MICU1: variants seen among roughly 807,000 people sequenced by gnomAD.
MICU1 encodes the protein mitochondrial calcium uptake 1.
A neutral mutation model predicts 56.8 loss-of-function variants in MICU1; 45 were observed. The observed-to-expected ratio is 0.79, with a 90% CI of 0.62 to 1.02. The LOEUF (loss-of-function observed/expected upper bound fraction) is 1.02. Among genes scored for constraint, MICU1 ranks in the 50% least tolerant of loss-of-function variants. The pLI is 0.00. For missense variants in MICU1, 504 were observed against 587.1 expected (o/e 0.86, Z 1.46); for synonymous variants, 186 against 195.1 (o/e 0.95, Z 0.39).
chr10:72,399,474 A>T (rs1028149724), intron 10 of MICU1, among the ~76,000 whole-genome samples: 2 of 152,026 alleles, frequency 1.3e-5, no homozygotes, highest in Admixed American at 6.6e-5. Context: ...ATAAATAAAT[A>T]AAATAAAATA....
chr10:72,533,380 C>G (rs1299019601), intron 5 of MICU1, among the ~76,000 whole-genome samples: 7 of 152,148 alleles, frequency 4.6e-5, no homozygotes, highest in Non-Finnish European at 7.3e-5. Flanking sequence ...TATTGCTAGA[C>G]ACTATCATAA....
At chr10:72,494,234 G>A (rs571292211) in intron 6 of MICU1, among the ~76,000 whole-genome samples, 6 of 152,198 alleles carry the variant, frequency 3.9e-5, no homozygotes, top group East Asian at 1.9e-4. Context: ...CTGGCATTTC[G>A]CATAGTTCTT....
At chr10:72,508,466 A>C (rs899444789) in intron 5 of MICU1, 197 bp from the exon 6 acceptor site, 1 of 386,400 alleles carries the variant, frequency 2.6e-6, no homozygotes, top group African/African-American at 2.0e-5. Flanking sequence ...TTATGTTTTC[A>C]TTTCAACACT....
At chr10:72,484,930 G>A (rs1564895881) in intron 6 of MICU1, among the ~76,000 whole-genome samples, 1 of 151,844 alleles carries the variant, frequency 6.6e-6, no homozygotes, top group African/African-American at 2.4e-5. Flanking sequence ...GTAAACTATG[G>A]TTGGTAACCT....
At chr10:72,505,118 C>T (rs1867202764) in intron 6 of MICU1, among the ~76,000 whole-genome samples, 1 of 151,774 alleles carries the variant, frequency 6.6e-6, no homozygotes, top group South Asian at 2.1e-4. Flanking sequence ...GGATTACAGG[C>T]ACCCACCACC....
chr10:72,420,767 C>T (rs1026069226), intron 9 of MICU1, among the ~76,000 whole-genome samples: 19 of 151,682 alleles, frequency 1.3e-4, no homozygotes, highest in African/African-American at 4.6e-4. Context: ...TTCAACCTCC[C>T]CAGGCTCAGG....
At chr10:72,467,354 C>G (rs1018266929) in intron 8 of MICU1, among the ~76,000 whole-genome samples, 3 of 151,872 alleles carry the variant, frequency 2.0e-5, no homozygotes, top group African/African-American at 7.3e-5. Context: ...CGGCTGATTT[C>G]TGTATTTTTA....
intron 3 of MICU1, among the ~76,000 whole-genome samples, chr10:72,559,879 A>G (rs1452687100): frequency 6.6e-6 from 1 of 152,208 alleles, no homozygotes; most frequent in Non-Finnish European, 1.5e-5. Context: ...CTGCGGCAAC[A>G]TTAGATTCTC....
intron 3 of MICU1, chr10:72,560,296 C>T (rs1422949952): frequency 6.6e-6 from 1 of 152,190 alleles, no homozygotes; most frequent in East Asian, 1.9e-4. Context: ...GGTTCACAAC[C>T]TCTGTGGTCT....
chr10:72,402,474 G>A (rs771924924), intron 10 of MICU1, among the ~76,000 whole-genome samples: 2 of 152,014 alleles, frequency 1.3e-5, no homozygotes, highest in Admixed American at 1.3e-4. Context: ...ACTTGTAACT[G>A]CTGCTAATTG....
At chr10:72,608,766 T>C (rs1018838782) in intron 1 of MICU1, among the ~76,000 whole-genome samples, 7 of 152,198 alleles carry the variant, frequency 4.6e-5, no homozygotes, top group Non-Finnish European at 8.8e-5. Flanking sequence ...TAACGATGTA[T>C]AAATACACCT....
chr10:72,518,830 G>GC (rs1867734856), intron 5 of MICU1, among the ~76,000 whole-genome samples: 1 of 152,038 alleles, frequency 6.6e-6, no homozygotes, highest in Admixed American at 6.6e-5. Flanking sequence ...ACAGGCATGT[G>GC]CCACCATGCC....
chr10:72,417,475 A>G (rs1359021502), intron 9 of MICU1, among the ~76,000 whole-genome samples: 1 of 151,128 alleles, frequency 6.6e-6, no homozygotes, highest in Admixed American at 6.6e-5. Flanking sequence ...AAAAAAAAAG[A>G]AATATAGTTG....
chr10:72,442,202 G>A (rs189042654), intron 8 of MICU1, among the ~76,000 whole-genome samples: 1 of 152,068 alleles, frequency 6.6e-6, no homozygotes, highest in Non-Finnish European at 1.5e-5. Context: ...TGTCACCCAG[G>A]TGCAATCTTG....
At chr10:72,552,234 T>C (rs1312078662) in intron 3 of MICU1, among the ~76,000 whole-genome samples, 4 of 152,186 alleles carry the variant, frequency 2.6e-5, no homozygotes, top group African/African-American at 7.2e-5. Flanking sequence ...AATGTTGGAA[T>C]AGCAACAAAA....
At chr10:72,435,958 G>A (rs140231990) in intron 8 of MICU1, among the ~76,000 whole-genome samples, 4,139 of 152,344 alleles carry the variant, frequency 0.027, 180 homozygotes, top group African/African-American at 0.095. Context: ...TCTGTGGGCA[G>A]GGCATAGCTG....
rs1197569778 is a variant in MICU1 at position 72,386,557 on chromosome 10, A to T, written c.1181-10685T>A. On this transcript the variant is annotated intron_variant, in intron 10 of 11. Transcript: ENST00000361114. ...ACTCATCCCTCATCCCCCGCCACCTATTTTTTTTTTTTTTTTTTTTGATAC... is the reference window on the plus strand; with the variant it reads ...ACTCATCCCTCATCCCCCGCCACCTTTTTTTTTTTTTTTTTTTTTTGATAC... Among the ~76,000 whole-genome samples, 41 of 120,130 alleles carry T rather than the reference A, an allele frequency of 3.4e-4. 1 individual carries two copies. The highest frequency in any genetic ancestry group is 8.0e-4 in the South Asian group (3 of 3,742). 78.8% of individuals were successfully genotyped at this position (120,130 alleles called of 152,430 possible). A position where few individuals can be genotyped will look rare whatever the true frequency, so the allele number is the denominator to read the frequency against.
chr10:72,532,300 A>G (rs1839509259), intron 5 of MICU1, among the ~76,000 whole-genome samples: 1 of 151,750 alleles, frequency 6.6e-6, no homozygotes, highest in South Asian at 2.1e-4. Flanking sequence ...CCCAGGCGAC[A>G]GAGCGAGACT....
intron 4 of MICU1, among the ~76,000 whole-genome samples, chr10:72,537,955 AC>A (rs1349001314): frequency 6.6e-6 from 1 of 152,186 alleles, no homozygotes; most frequent in Non-Finnish European, 1.5e-5. Context: ...AATTAACATT[AC>A]AAGGGAGCAT....
Sources: gnomAD v4.1 joint callset for allele counts (sites outside exome capture counted in the v4.1 genomes callset) on GRCh38, gnomAD v4.1.1 for gene constraint, MANE v1.5 for transcripts, NCBI Gene and HGNC (gene_info 2026-07-23, HGNC 2026-07-21) for gene names.